The following DTL variants were observed in gnomAD, a reference collection of about 807,000 sequenced individuals.
The protein encoded by DTL is denticleless E3 ubiquitin protein ligase adapter, also known as denticleless protein homolog.
DTL carries 46 observed loss-of-function variants against 87.0 expected under a neutral mutation model. The observed-to-expected ratio is 0.53, with a 90% CI of 0.42 to 0.68. The LOEUF is 0.68. Among genes scored for constraint, DTL ranks in the 30% least tolerant of loss-of-function variants. The probability of loss-of-function intolerance (pLI) is 0.00; values close to 1 mark genes in which losing one functional copy is unlikely to be tolerated. For missense variants in DTL, 737 were observed against 869.4 expected (o/e 0.85, Z 1.91); for synonymous variants, 308 against 311.2 (o/e 0.99, Z 0.11).
chr1:212,046,416 G>T (rs1251097836), intron 3 of DTL, among the ~76,000 whole-genome samples: 1 of 152,142 alleles, frequency 6.6e-6, no homozygotes, highest in Non-Finnish European at 1.5e-5. Context: ...GCATGCATTA[G>T]CTATTTTTCC....
In DTL at chr1:212,044,541, T is replaced by C. The variant is rs575275394; in HGVS notation, c.179-119T>C. 3.8e-5 allele frequency: 22 copies of C among 575,056 alleles called. No homozygotes were observed. The African/African-American group carries it at 4.2e-4, about 11-fold the overall frequency. 35.6% of individuals were successfully genotyped at this position (575,056 alleles called of 1,614,324 possible). A position where few individuals can be genotyped will look rare whatever the true frequency, so the allele number is the denominator to read the frequency against. ...ATCACTTGAACCCAGGAGGTGGAGGTTGCAGTGAGCCAAACTGCACTATTG... is the reference window on the plus strand; with the variant it reads ...ATCACTTGAACCCAGGAGGTGGAGGCTGCAGTGAGCCAAACTGCACTATTG... On this transcript the variant is annotated intron_variant, in intron 2 of 14. Transcript: ENST00000366991.
At chr1:212,074,215 TTAA>T (rs1325276347) in intron 11 of DTL, among the ~76,000 whole-genome samples, 3 of 151,364 alleles carry the variant, frequency 2.0e-5, no homozygotes, top group East Asian at 3.9e-4. Context: ...TTTTAAATTC[TTAA>T]TAAATTTTTA....
chr1:212,091,783 T>C (rs1227398125), intron 13 of DTL, among the ~76,000 whole-genome samples: 1 of 152,130 alleles, frequency 6.6e-6, no homozygotes, highest in Non-Finnish European at 1.5e-5. Flanking sequence ...TACTTGAAAA[T>C]TGCTGAGTAG....
Position 212,100,264 on chromosome 1 carries a change from G to A in DTL, c.1274G>A (p.Ser425Asn), listed in dbSNP as rs35137676. Residue 425 changes from serine to asparagine, a missense_variant, in exon 14 of 15, where the codon AGT becomes AAT. By Grantham distance (46) the Ser-to-Asn change is conservative. Transcript: ENST00000366991. ...ESRPGLVTVT[S>N]SQSTPAKAPR... ...TCCTCTTTTTCAGTAACAGTAACGA[G>A]TAGCCAGAGTACTCCTGCCAAAGCC... 50,048 of 1,557,950 alleles carry A rather than the reference G, an allele frequency of 0.032. 969 individuals are homozygous for A. Among genetic ancestry groups the A allele is most frequent in the Non-Finnish European group, 0.037 (42,975 of 1,155,314 alleles).
chr1:212,081,339 A>AT (rs1260686669), intron 13 of DTL, among the ~76,000 whole-genome samples: 1 of 152,208 alleles, frequency 6.6e-6, no homozygotes, highest in East Asian at 1.9e-4. Context: ...TGCTTGGCAT[A>AT]TTTTCTCTTC....
chr1:212,101,170 T>TC, intron 14 of DTL, 86 bp downstream of exon 14: 1 of 1,052,090 alleles, frequency 9.5e-7, no homozygotes, highest in Non-Finnish European at 1.3e-6. Flanking sequence ...GCTTTTTTTT[T>TC]TTTTTAAAGA....
At chr1:212,047,735 C>T (rs1213821601) in intron 5 of DTL, among the ~76,000 whole-genome samples, 6 of 152,114 alleles carry the variant, frequency 3.9e-5, no homozygotes, top group Admixed American at 1.3e-4. Context: ...GGGGTTTCAC[C>T]ATGTTGGCCA....
chr1:212,036,424 A>G (rs183996322), intron 1 of DTL, among the ~76,000 whole-genome samples: 2 of 152,308 alleles, frequency 1.3e-5, no homozygotes, highest in African/African-American at 4.8e-5. Context: ...ATCTGCTTCT[A>G]ACAGGAACAA....
At chr1:212,060,146 A>G (rs113722885) in intron 5 of DTL, among the ~76,000 whole-genome samples, 4,005 of 152,250 alleles carry the variant, frequency 0.026, 59 homozygotes, top group African/African-American at 0.047. Flanking sequence ...TACCAACATC[A>G]TTTTTCACAG....
chr1:212,086,018 T>C (rs1655119416), intron 13 of DTL, among the ~76,000 whole-genome samples: 1 of 152,236 alleles, frequency 6.6e-6, no homozygotes, highest in Admixed American at 6.5e-5. Flanking sequence ...TGCATTGTCT[T>C]CATTACTGTA....
At chr1:212,076,565 A>G (rs1259005795) in intron 11 of DTL, among the ~76,000 whole-genome samples, 4 of 151,934 alleles carry the variant, frequency 2.6e-5, no homozygotes, top group Admixed American at 1.3e-4. Flanking sequence ...TTAAAAAGCT[A>G]TAGGCAATAA....
chr1:212,082,185 A>G (rs1407738274), intron 13 of DTL, among the ~76,000 whole-genome samples: 8 of 152,204 alleles, frequency 5.3e-5, no homozygotes, highest in Admixed American at 2.0e-4. Context: ...CTGGTATACC[A>G]AATAAGGTGA....
chr1:212,062,792 A>C lies in DTL; in HGVS notation c.461-92A>C, dbSNP rs1287453025. 3 of 949,996 alleles carry C rather than the reference A, an allele frequency of 3.2e-6. No homozygotes were observed. In the Admixed American group the frequency reaches 5.4e-5, roughly 17 times the overall value. 58.8% of individuals were successfully genotyped at this position (949,996 alleles called of 1,614,324 possible). ...TCCAGTGACAGATACAGTACCTAGC[A>C]CATAATAGATAGTCTACAAAATGTA... On this transcript the variant is annotated intron_variant, in intron 5 of 14. Coordinates refer to ENST00000366991, the MANE Select transcript of DTL (RefSeq NM_016448.4).
intron 1 of DTL, 101 bp downstream of exon 1, chr1:212,036,043 T>A: frequency 5.3e-6 from 6 of 1,128,512 alleles, no homozygotes; most frequent in Non-Finnish European, 8.0e-6. Context: ...TGAACTCAGC[T>A]TCTGAGTTCT....
At chr1:212,074,989 C>T (rs2102560799) in intron 11 of DTL, among the ~76,000 whole-genome samples, 1 of 152,248 alleles carries the variant, frequency 6.6e-6, no homozygotes, top group South Asian at 2.1e-4. Context: ...CCCACCCCAT[C>T]CTCTTTTCTC....
At position 212,064,959 on chromosome 1, in the gene DTL, A is replaced by G. The variant is rs780968796; in HGVS notation, c.569A>G (p.Asn190Ser). ...RQVNQISGAH[N>S]TSDKQTPSKP... is the part of the protein sequence containing the mutation. ...GTGAATCAAATCAGTGGAGCTCACA[A>G]TACCTCAGACAAGCAAACCCCTTCA... Residue 190 changes from asparagine to serine, a missense_variant, in exon 7 of 15, where the codon AAT becomes AGT. Asn to Ser is a conservative substitution (Grantham distance 46). Transcript: ENST00000366991. The G allele has an allele frequency of 1.1e-5, 17 of 1,614,014 alleles. No individual in the cohort carries two copies. The highest frequency in any genetic ancestry group is 1.4e-5 in the Non-Finnish European group (16 of 1,180,008).
chr1:212,076,816 A>T (rs1654845536), intron 11 of DTL, among the ~76,000 whole-genome samples: 1 of 152,216 alleles, frequency 6.6e-6, no homozygotes, highest in Non-Finnish European at 1.5e-5. Context: ...TGAAAGAATG[A>T]ATTATCTCTG....
chr1:212,048,014 T>C (rs947695983), intron 5 of DTL, among the ~76,000 whole-genome samples: 1 of 152,212 alleles, frequency 6.6e-6, no homozygotes, highest in African/African-American at 2.4e-5. Context: ...TTGTTCAACC[T>C]TGATTGTTCA....
In DTL at chr1:212,062,770, A is replaced by T. The variant is rs1453658980; in HGVS notation, c.461-114A>T. On this transcript the variant is annotated intron_variant, in intron 5 of 14. Coordinates refer to ENST00000366991, the MANE Select transcript of DTL (RefSeq NM_016448.4). ...ATATATTTTTAAATGTTTGATCTCC[A>T]GTGACAGATACAGTACCTAGCACAT... is the stretch of plus-strand genomic sequence containing the variant. 2.3e-5 allele frequency: 16 copies of T among 707,040 alleles called. No homozygotes were observed. The Admixed American group carries it at 4.2e-4, about 18-fold the overall frequency. The allele number at this position is 707,040 out of a possible 1,614,324, so 43.8% of individuals were successfully genotyped here.
Sources: allele counts gnomAD v4.1 joint callset (sites outside exome capture counted in the v4.1 genomes callset), GRCh38; gene constraint gnomAD v4.1.1; transcripts MANE v1.5; gene names NCBI Gene and HGNC (gene_info 2026-07-23, HGNC 2026-07-21).